The following CD37 variants were observed in gnomAD, a reference collection of about 807,000 sequenced individuals.
The protein encoded by CD37 is leukocyte antigen CD37.
In CD37, 37 loss-of-function variants were observed where a neutral mutation model predicts 38.9. That is an observed-to-expected ratio of 0.95 (90% CI 0.73 to 1.25). The LOEUF is 1.25. Ranked by LOEUF, CD37 falls within the 50% of genes most tolerant of loss-of-function variation. CD37 has a pLI of 0.00. For missense variants in CD37, 351 were observed against 360.1 expected (o/e 0.97, Z 0.20); for synonymous variants, 146 against 150.1 (o/e 0.97, Z 0.20).
intron 2 of CD37, chr19:49,336,663 G>A (rs773002523): frequency 1.3e-5 from 6 of 475,884 alleles, no homozygotes; most frequent in Admixed American, 7.2e-5. Flanking sequence ...TACTGGGGAC[G>A]AGGAGGAGCT....
In CD37 at chr19:49,339,530, C is replaced by T. The variant is rs1971116542; in HGVS notation, c.768+117C>T. On this transcript the variant is annotated intron_variant, in intron 7 of 7. Coordinates refer to ENST00000323906, the MANE Select transcript of CD37 (RefSeq NM_001774.3). The surrounding 1 kb of genome is among the most constrained non-coding windows in gnomAD (Gnocchi z 4.5). Reference sequence around the variant, plus strand: ...GAGCTCAGGGCGGAGCGCAGCCCACCCCGGCCCTCCCGCCGCTCCACCCAG... The same window carrying T: ...GAGCTCAGGGCGGAGCGCAGCCCACTCCGGCCCTCCCGCCGCTCCACCCAG... The T allele has an allele frequency of 2.0e-6, 3 of 1,468,622 alleles. No individual in the cohort carries two copies. Among genetic ancestry groups the T allele is most frequent in the Non-Finnish European group, 1.8e-6 (2 of 1,090,096 alleles). The allele number at this position is 1,468,622 out of a possible 1,614,324, so 91.0% of individuals were successfully genotyped here.
At position 49,338,331 on chromosome 19, in the gene CD37, T is replaced by TA. The variant is rs1971039927; in HGVS notation, c.447+303dup. On this transcript the variant is annotated intron_variant, in intron 5 of 7. Coordinates refer to ENST00000323906, the MANE Select transcript of CD37 (RefSeq NM_001774.3). The surrounding 1 kb of genome is among the most constrained non-coding windows in gnomAD (Gnocchi z 5.0). The stretch of plus-strand genomic sequence containing the variant: ...AAGACCCTAGCGAGACACGGCTTCC[T>TA]ACCCCGTAGTGACTCTGGCTTCCAC... The TA allele has an allele frequency of 4.9e-5, 29 of 595,814 alleles. 1 individual carries two copies. In the South Asian group the frequency reaches 6.6e-4, roughly 14 times the overall value. 36.9% of individuals were successfully genotyped at this position (595,814 alleles called of 1,614,324 possible).
chr19:49,340,179 G>T (rs1568552802), intron 7 of CD37, 72 bp from the exon 8 acceptor site: 1 of 1,460,612 alleles, frequency 6.8e-7, no homozygotes, highest in Non-Finnish European at 9.4e-7. Flanking sequence ...GACCTTTCTC[G>T]CCCGGGTGGG....
rs1971118834 is a variant in CD37 at position 49,339,559 on chromosome 19, C to T, written c.768+146C>T. 2 of 1,467,002 alleles carry T rather than the reference C, an allele frequency of 1.4e-6. No homozygotes were observed. The highest frequency in any genetic ancestry group is 1.4e-5 in the African/African-American group (1 of 71,126). The allele number at this position is 1,467,002 out of a possible 1,614,324, so 90.9% of individuals were successfully genotyped here. A position where few individuals can be genotyped will look rare whatever the true frequency, so the allele number is the denominator to read the frequency against. ...GCCCTCCCGCCGCTCCACCCAGCAC[C>T]GGAGGGTGGGGGCGGCCCAGCTTCA... On this transcript the variant is annotated intron_variant, in intron 7 of 7. Coordinates refer to ENST00000323906, the MANE Select transcript of CD37 (RefSeq NM_001774.3). This position sits in a 1 kb window ranked among gnomAD's most constrained non-coding sequence, Gnocchi z 4.5.
chr19:49,337,516 G>C lies in CD37; in HGVS notation c.342+295G>C. 14 of 735,334 alleles carry C rather than the reference G, an allele frequency of 1.9e-5. 1 individual carries two copies. The South Asian group carries it at 2.6e-4, about 13-fold the overall frequency. 45.6% of individuals were successfully genotyped at this position (735,334 alleles called of 1,614,324 possible). ...GTGCACCTGGGGTCCCAGCTACTTG[G>C]GAGGTCGAGGTGGGAGGATCACTTG... On this transcript the variant is annotated intron_variant, in intron 4 of 7. Coordinates refer to ENST00000323906, the MANE Select transcript of CD37 (RefSeq NM_001774.3).
At position 49,338,243 on chromosome 19, in the gene CD37, T is replaced by A; in HGVS notation, c.447+214T>A. On this transcript the variant is annotated intron_variant, in intron 5 of 7. Coordinates refer to ENST00000323906, the MANE Select transcript of CD37 (RefSeq NM_001774.3). The surrounding 1 kb of genome is among the most constrained non-coding windows in gnomAD (Gnocchi z 5.0). ...CCCAGACCCTGGCGTGGCTTCGCCATCTACCTCGAGAGACTCCGCCCCCGC... is the reference window on the plus strand; with the variant it reads ...CCCAGACCCTGGCGTGGCTTCGCCAACTACCTCGAGAGACTCCGCCCCCGC... 7.2e-7 allele frequency: 1 copy of A among 1,387,486 alleles called. No homozygotes were observed. The highest frequency in any genetic ancestry group is 9.4e-7 in the Non-Finnish European group (1 of 1,063,322). 85.9% of individuals were successfully genotyped at this position (1,387,486 alleles called of 1,614,324 possible).
chr19:49,339,882 C>G lies in CD37; in HGVS notation c.769-369C>G, dbSNP rs1275027844. ...GCAAGCTGCCCATGGCCCTGGGGCT[C>G]TGGCCGCTGTGGGTTCAAGACGAGG... On this transcript the variant is annotated intron_variant, in intron 7 of 7. Coordinates refer to ENST00000323906, the MANE Select transcript of CD37 (RefSeq NM_001774.3). This position sits in a 1 kb window ranked among gnomAD's most constrained non-coding sequence, Gnocchi z 4.5. 3.1e-5 allele frequency: 42 copies of G among 1,342,444 alleles called. No homozygotes were observed. The East Asian group carries it at 6.3e-4, about 20-fold the overall frequency. 83.2% of individuals were successfully genotyped at this position (1,342,444 alleles called of 1,614,324 possible).
chr19:49,337,176 C>T lies in CD37; in HGVS notation c.297C>T (p.Ala99=), dbSNP rs190151888. Reference sequence around the variant, plus strand: ...TTGGGATGCTGCTGCTCCTGTTTGCCACACAGATCACCCTGGGAATCCTCA... The same window carrying T: ...TTGGGATGCTGCTGCTCCTGTTTGCTACACAGATCACCCTGGGAATCCTCA... ...LYFGMLLLLF[A]TQITLGILIS... The change falls in exon 4 of 8, where the codon GCC becomes GCT. Residue 99 remains alanine, a synonymous_variant. Transcript: ENST00000323906. The T allele has an allele frequency of 6.2e-7, 1 of 1,614,212 alleles. No homozygotes were observed. Among genetic ancestry groups the T allele is most frequent in the East Asian group, 2.2e-5 (1 of 44,880 alleles).
Position 49,339,477 on chromosome 19 carries a change from T to G in CD37, c.768+64T>G. On this transcript the variant is annotated intron_variant, in intron 7 of 7. Coordinates refer to ENST00000323906, the MANE Select transcript of CD37 (RefSeq NM_001774.3). This position sits in a 1 kb window ranked among gnomAD's most constrained non-coding sequence, Gnocchi z 4.5. ...TCCCTAGATGGCCCTGCCCTTCATT[T>G]CGCGTCCTTCGGTTGCCTGGGAAGG... The G allele has an allele frequency of 3.2e-6, 5 of 1,562,224 alleles. No individual in the cohort carries two copies. Among genetic ancestry groups the G allele is most frequent in the Non-Finnish European group, 4.4e-6 (5 of 1,141,650 alleles).
In CD37 at chr19:49,338,125, TACGATCCTAAC is replaced by T; in HGVS notation, c.447+99_447+109del. 2 of 1,519,300 alleles carry T rather than the reference TACGATCCTAAC, an allele frequency of 1.3e-6. No individual in the cohort carries two copies. Among genetic ancestry groups the T allele is most frequent in the Non-Finnish European group, 1.8e-6 (2 of 1,132,376 alleles). 94.1% of individuals were successfully genotyped at this position (1,519,300 alleles called of 1,614,324 possible). The stretch of plus-strand genomic sequence containing the variant: ...CCAACGTGGGCCCGACCCCCAGCTC[TACGATCCTAAC>T]ACACCCCAATCCCTCCCAGGCCCGA... On this transcript the variant is annotated intron_variant, in intron 5 of 7. Coordinates refer to ENST00000323906, the MANE Select transcript of CD37 (RefSeq NM_001774.3). This position sits in a 1 kb window ranked among gnomAD's most constrained non-coding sequence, Gnocchi z 5.0.
In CD37 at chr19:49,337,934, A is replaced by G. The variant is rs1372318917; in HGVS notation, c.352A>G (p.Ser118Gly). ...ISTQRAQLER[S>G]LRDVVEKTIQ... Reference sequence around the variant, plus strand: ...ACTGGTGGCCTCTCAGCTGGAGCGAAGCTTGCGGGACGTCGTAGAGAAAAC... The same window carrying G: ...ACTGGTGGCCTCTCAGCTGGAGCGAGGCTTGCGGGACGTCGTAGAGAAAAC... Residue 118 changes from serine to glycine, a missense_variant, in exon 5 of 8, where the codon AGC becomes GGC. Transcript: ENST00000323906. 8.1e-6 allele frequency: 13 copies of G among 1,613,960 alleles called. No individual in the cohort carries two copies. The highest frequency in any genetic ancestry group is 1.1e-5 in the Non-Finnish European group (13 of 1,180,004).
Position 49,339,507 on chromosome 19 carries a change from G to A in CD37, c.768+94G>A, listed in dbSNP as rs1307609979. The A allele has an allele frequency of 2.0e-6, 3 of 1,522,936 alleles. No individual in the cohort carries two copies. The highest frequency in any genetic ancestry group is 2.3e-5 in the East Asian group (1 of 44,420). 94.3% of individuals were successfully genotyped at this position (1,522,936 alleles called of 1,614,324 possible). Reference sequence around the variant, plus strand: ...TCCTTCGGTTGCCTGGGAAGGACGAGCTCAGGGCGGAGCGCAGCCCACCCC... The same window carrying A: ...TCCTTCGGTTGCCTGGGAAGGACGAACTCAGGGCGGAGCGCAGCCCACCCC... On this transcript the variant is annotated intron_variant, in intron 7 of 7. Transcript: ENST00000323906. This position sits in a 1 kb window ranked among gnomAD's most constrained non-coding sequence, Gnocchi z 4.5.
chr19:49,339,468 C>T lies in CD37; in HGVS notation c.768+55C>T. Reference sequence around the variant, plus strand: ...GGCCCTAAATCCCTAGATGGCCCTGCCCTTCATTTCGCGTCCTTCGGTTGC... The same window carrying T: ...GGCCCTAAATCCCTAGATGGCCCTGTCCTTCATTTCGCGTCCTTCGGTTGC... On this transcript the variant is annotated intron_variant, in intron 7 of 7. Transcript: ENST00000323906. This position sits in a 1 kb window ranked among gnomAD's most constrained non-coding sequence, Gnocchi z 4.5. The T allele has an allele frequency of 1.3e-6, 2 of 1,569,696 alleles. No homozygotes were observed.
Position 49,340,525 on chromosome 19 carries a change from G to C in CD37, c.*197G>C, listed in dbSNP as rs1266329247. The C allele has an allele frequency of 1.6e-6, 1 of 622,304 alleles. No individual in the cohort carries two copies. Among genetic ancestry groups the C allele is most frequent in the Non-Finnish European group, 2.9e-6 (1 of 345,826 alleles). The allele number at this position is 622,304 out of a possible 1,614,324, so 38.5% of individuals were successfully genotyped here. ...CTGGGGCTTTCGTCCACAGCTTCCTGTCCCCATCTGTCGGCCTACCACCAC... is the reference window on the plus strand; with the variant it reads ...CTGGGGCTTTCGTCCACAGCTTCCTCTCCCCATCTGTCGGCCTACCACCAC... On this transcript the variant is annotated 3_prime_UTR_variant, in exon 8 of 8. Coordinates refer to ENST00000323906, the MANE Select transcript of CD37 (RefSeq NM_001774.3).
In CD37 at chr19:49,335,798, T is replaced by A. The variant is rs1333312318; in HGVS notation, c.142+12T>A. On this transcript the variant is annotated intron_variant, in intron 2 of 7. Transcript: ENST00000323906. This position sits in a 1 kb window ranked among gnomAD's most constrained non-coding sequence, Gnocchi z 4.6. ...CGTGTCCTTTGTGGGTGAGGGGGGCTGGGGCAGGTGGGAGGGCCTCCCCCA... is the reference window on the plus strand; with the variant it reads ...CGTGTCCTTTGTGGGTGAGGGGGGCAGGGGCAGGTGGGAGGGCCTCCCCCA... 1 of 1,464,686 alleles carries A rather than the reference T, an allele frequency of 6.8e-7. No homozygotes were observed. The highest frequency in any genetic ancestry group is 2.3e-5 in the East Asian group (1 of 44,042). The allele number at this position is 1,464,686 out of a possible 1,614,324, so 90.7% of individuals were successfully genotyped here.
chr19:49,335,510 G>T lies in CD37; in HGVS notation c.-31G>T. The T allele has an allele frequency of 6.4e-7, 1 of 1,550,882 alleles. No individual in the cohort carries two copies. Among genetic ancestry groups the T allele is most frequent in the Non-Finnish European group, 8.9e-7 (1 of 1,122,584 alleles). Reference sequence around the variant, plus strand: ...CCACTGTCAGCACCTCTTCTGTGTGGTGAGTGGACCGCTTACCCCACTAGG... The same window carrying T: ...CCACTGTCAGCACCTCTTCTGTGTGTTGAGTGGACCGCTTACCCCACTAGG... On this transcript the variant is annotated 5_prime_UTR_variant, in exon 1 of 8. Coordinates refer to ENST00000323906, the MANE Select transcript of CD37 (RefSeq NM_001774.3). The surrounding 1 kb of genome is among the most constrained non-coding windows in gnomAD (Gnocchi z 4.6).
At position 49,339,084 on chromosome 19, in the gene CD37, C is replaced by A; in HGVS notation, c.684+148C>A. On this transcript the variant is annotated intron_variant, in intron 6 of 7. Transcript: ENST00000323906. This position sits in a 1 kb window ranked among gnomAD's most constrained non-coding sequence, Gnocchi z 4.5. ...GAGGGGCGGGGCCCTCTGAAGGGGGCGGGGTCTGCAGGAAGGGCAGGGCCT... is the reference window on the plus strand; with the variant it reads ...GAGGGGCGGGGCCCTCTGAAGGGGGAGGGGTCTGCAGGAAGGGCAGGGCCT... 1 of 722,154 alleles carries A rather than the reference C, an allele frequency of 1.4e-6. No individual in the cohort carries two copies. Among genetic ancestry groups the A allele is most frequent in the Non-Finnish European group, 2.3e-6 (1 of 433,632 alleles). The allele number at this position is 722,154 out of a possible 1,614,324, so 44.7% of individuals were successfully genotyped here.
At chr19:49,337,109 A>C in intron 3 of CD37, 38 bp from the exon 4 acceptor site, 1 of 1,614,008 alleles carries the variant, frequency 6.2e-7, no homozygotes, top group Non-Finnish European at 8.5e-7. Context: ...CCGGGGTTGC[A>C]GGGGTGGTCA....
Position 49,340,132 on chromosome 19 carries a change from T to C in CD37, c.769-119T>C, listed in dbSNP as rs1450102314. On this transcript the variant is annotated intron_variant, in intron 7 of 7. Coordinates refer to ENST00000323906, the MANE Select transcript of CD37 (RefSeq NM_001774.3). ...CCGCCCTTTTCTACCTATCCCCTTC[T>C]CCAGCCCCTTCCCGCCCAATTCACG... The C allele has an allele frequency of 3.3e-6, 5 of 1,530,188 alleles. No individual in the cohort carries two copies. In the East Asian group the frequency reaches 1.2e-4, roughly 35 times the overall value. The allele number at this position is 1,530,188 out of a possible 1,614,324, so 94.8% of individuals were successfully genotyped here.
Sources: allele counts gnomAD v4.1 joint callset, GRCh38; gene constraint gnomAD v4.1.1; non-coding constraint Gnocchi (gnomAD v3.1); transcripts MANE v1.5; gene names NCBI Gene and HGNC (gene_info 2026-07-23, HGNC 2026-07-21).